The following CASK variants were observed in gnomAD, a reference collection of about 807,000 sequenced individuals.
CASK encodes the protein peripheral plasma membrane protein CASK.
A neutral mutation model predicts 82.9 loss-of-function variants in CASK; 4 were observed. That is an observed-to-expected ratio of 0.05 (90% CI 0.02 to 0.11). CASK has a LOEUF of 0.11. Among genes scored for constraint, CASK ranks in the 10% least tolerant of loss-of-function variants. CASK has a pLI of 1.00. For synonymous variants in CASK, 259 were observed against 253.5 expected (o/e 1.02, Z -0.20); for missense variants, 358 against 720.9 (o/e 0.50, Z 5.76).
chrX:41,721,618 C>A (rs2068169080), intron 5 of CASK, among the ~76,000 whole-genome samples: 1 of 111,960 alleles, frequency 8.9e-6, no homozygotes, highest in African/African-American at 3.2e-5. Context: ...CCTGCTAGAA[C>A]AACCAATAAT....
intron 1 of CASK, among the ~76,000 whole-genome samples, chrX:41,856,543 T>C (rs991361611): frequency 2.7e-5 from 3 of 111,227 alleles, no homozygotes; most frequent in African/African-American, 9.8e-5. Flanking sequence ...GTTAGAGCCC[T>C]AGGTGGTCTC....
chrX:41,532,806 C>T (rs193007156), intron 24 of CASK, among the ~76,000 whole-genome samples: 2 of 110,932 alleles, frequency 1.8e-5, no homozygotes, highest in East Asian at 2.8e-4. Flanking sequence ...GAAGAACCGG[C>T]GTTACTATTT....
intron 1 of CASK, among the ~76,000 whole-genome samples, chrX:41,871,755 G>A (rs2071711565): frequency 8.9e-6 from 1 of 111,771 alleles, no homozygotes; most frequent in Admixed American, 9.5e-5. Flanking sequence ...ACCATAATCA[G>A]ACTAAATCTA....
intron 5 of CASK, among the ~76,000 whole-genome samples, chrX:41,677,421 A>G (rs1272822292): frequency 8.9e-6 from 1 of 111,864 alleles, no homozygotes; most frequent in Non-Finnish European, 1.9e-5. Context: ...GCAGGAGGAA[A>G]ATCAGTTTGG....
In CASK at chrX:41,853,168, A is replaced by G. The variant is rs1241515079; in HGVS notation, c.119T>C (p.Val40Ala). 1 of 1,206,582 alleles carries G rather than the reference A, an allele frequency of 8.3e-7. No homozygotes were observed. Among genetic ancestry groups the G allele is most frequent in the Non-Finnish European group, 1.1e-6 (1 of 892,603 alleles). ...GAACTTGGCTACATCAACAATTTTTACAGCAAATTGTTGCCCAGTTTCTCT... is the reference window on the plus strand; with the variant it reads ...GAACTTGGCTACATCAACAATTTTTGCAGCAAATTGTTGCCCAGTTTCTCT... ...INRETGQQFAVKIVDVAKFTS... is the reference protein window; with the variant it reads ...INRETGQQFAAKIVDVAKFTS... Residue 40 changes from valine (V) to alanine (A), a missense_variant, in exon 2 of 27, where the codon GTA becomes GCA. By Grantham distance (64) the Val-to-Ala change is moderately conservative. Around this residue, in one of 5 missense-constraint regions of CASK, gnomAD observed 70 missense variants for 228.4 expected, o/e 0.31. Coordinates refer to ENST00000378163, the MANE Select transcript of CASK (RefSeq NM_001367721.1).
intron 25 of CASK, 58 bp downstream of exon 25, chrX:41,530,949 A>ATC: frequency 9.8e-7 from 1 of 1,020,474 alleles, no homozygotes; most frequent in Admixed American, 2.2e-5. Context: ...TGATTTCAGA[A>ATC]TCTGTGCTTA....
At chrX:41,756,958 C>T (rs2068906661) in intron 3 of CASK, among the ~76,000 whole-genome samples, 1 of 111,891 alleles carries the variant, frequency 8.9e-6, no homozygotes, top group Non-Finnish European at 1.9e-5. Context: ...GAGATTACAA[C>T]TAAGTAGGTA....
intron 6 of CASK, among the ~76,000 whole-genome samples, chrX:41,666,398 C>T (rs1012108481): frequency 2.7e-5 from 3 of 112,022 alleles, no homozygotes; most frequent in Admixed American, 9.5e-5. Context: ...CTTGGCAGCT[C>T]TTCTAGATAT....
intron 2 of CASK, among the ~76,000 whole-genome samples, chrX:41,816,562 C>CA (rs1305549188): frequency 9.4e-6 from 1 of 106,941 alleles, no homozygotes. Flanking sequence ...ATAAATGAAA[C>CA]AAAAAATGGG....
At chrX:41,893,789 A>G (rs888460725) in intron 1 of CASK, among the ~76,000 whole-genome samples, 6 of 112,425 alleles carry the variant, frequency 5.3e-5, no homozygotes, top group Non-Finnish European at 1.1e-4. Context: ...AAGAATTTAA[A>G]ACAAAACAAA....
intron 1 of CASK, among the ~76,000 whole-genome samples, chrX:41,883,562 A>C (rs1203315577): frequency 8.9e-6 from 1 of 111,807 alleles, no homozygotes; most frequent in Non-Finnish European, 1.9e-5. Flanking sequence ...CAGGCTAAGA[A>C]ACTATGTCTA....
At chrX:41,633,018 T>A (rs148660174) in intron 9 of CASK, among the ~76,000 whole-genome samples, 1,892 of 98,690 alleles carry the variant, frequency 0.019, 49 homozygotes, top group African/African-American at 0.067. Flanking sequence ...ACTCTAAGCC[T>A]GGGTGATGGA....
intron 20 of CASK, among the ~76,000 whole-genome samples, chrX:41,554,498 T>A (rs1263315878): frequency 2.7e-5 from 3 of 112,046 alleles, no homozygotes; most frequent in African/African-American, 6.5e-5. Context: ...CATTTTTTTC[T>A]AATTTAGGTT....
chrX:41,661,926 C>A (rs1047020936), intron 7 of CASK, among the ~76,000 whole-genome samples: 7 of 110,449 alleles, frequency 6.3e-5, no homozygotes, highest in Non-Finnish European at 1.1e-4. Flanking sequence ...CTCTCCCTAT[C>A]CTGGAGCGAA....
At chrX:41,682,286 C>T (rs1377331001) in intron 5 of CASK, among the ~76,000 whole-genome samples, 2 of 109,798 alleles carry the variant, frequency 1.8e-5, no homozygotes, top group Non-Finnish European at 3.8e-5. Context: ...GGTGTGGTGG[C>T]TCATGCCTAT....
intron 5 of CASK, among the ~76,000 whole-genome samples, chrX:41,699,626 C>G (rs1405773872): frequency 9.0e-6 from 1 of 110,556 alleles, no homozygotes; most frequent in African/African-American, 3.3e-5. Context: ...GTTCTAGAAG[C>G]TGTCTCATTA....
intron 5 of CASK, among the ~76,000 whole-genome samples, chrX:41,714,886 C>T (rs932741351): frequency 8.9e-6 from 1 of 112,062 alleles, no homozygotes; most frequent in African/African-American, 3.2e-5. Context: ...AGCATCCTCC[C>T]TGGGAAGTGC....
At chrX:41,644,754 G>A (rs1168903150) in intron 8 of CASK, among the ~76,000 whole-genome samples, 1 of 111,816 alleles carries the variant, frequency 8.9e-6, no homozygotes, top group African/African-American at 3.2e-5. Context: ...GCACCTAGGA[G>A]TAAGTCTTTG....
chrX:41,733,048 C>T (rs902542025), intron 5 of CASK, among the ~76,000 whole-genome samples: 2 of 108,921 alleles, frequency 1.8e-5, no homozygotes, highest in Admixed American at 2.0e-4. Flanking sequence ...TAGTGGCAGG[C>T]GCCTGTAATC....
Sources: gnomAD v4.1 joint callset for allele counts (sites outside exome capture counted in the v4.1 genomes callset) on GRCh38, gnomAD v4.1.1 for gene constraint, gnomAD v4.1.1 regional missense constraint, MANE v1.5 for transcripts, NCBI Gene and HGNC (gene_info 2026-07-23, HGNC 2026-07-21) for gene names.